Variants in PRKD3 observed in about 807,000 individuals in gnomAD.
The protein encoded by PRKD3 is protein kinase D3.
In PRKD3, 47 loss-of-function variants were observed where a neutral mutation model predicts 99.2. The observed-to-expected ratio is 0.47, with a 90% CI of 0.38 to 0.60. The LOEUF (loss-of-function observed/expected upper bound fraction) is 0.60. PRKD3 is among the 20% of genes least tolerant of loss of function. The probability of loss-of-function intolerance (pLI) is 0.00; values close to 1 mark genes in which losing one functional copy is unlikely to be tolerated. For missense variants in PRKD3, 1,019 were observed against 1,088.4 expected (o/e 0.94, Z 0.90); for synonymous variants, 392 against 355.4 (o/e 1.10, Z -1.16).
In PRKD3 at chr2:37,316,561, C is replaced by A. The variant is rs760788722; in HGVS notation, c.-37G>T. On this transcript the variant is annotated 5_prime_UTR_variant, in exon 2 of 19. Transcript: ENST00000234179. ...TAATCTTTTAAAATAGTTGTCGATT[C>A]TTTTTCAATGGTTATGAAGAGGTTT... 1 of 1,585,978 alleles carries A rather than the reference C, an allele frequency of 6.3e-7. No homozygotes were observed. Among genetic ancestry groups the A allele is most frequent in the South Asian group, 1.2e-5 (1 of 86,208 alleles).
At chr2:37,256,611 T>G in intron 17 of PRKD3, 51 bp downstream of exon 17, 1 of 1,460,338 alleles carries the variant, frequency 6.8e-7, no homozygotes, top group Non-Finnish European at 9.0e-7. Flanking sequence ...TGTTTAGGCT[T>G]AAAACACATA....
chr2:37,291,990 A>T (rs1572675605), intron 3 of PRKD3, among the ~76,000 whole-genome samples: 2 of 152,206 alleles, frequency 1.3e-5, no homozygotes, highest in African/African-American at 4.8e-5. Context: ...AGTGGGAATT[A>T]AAAAACAACG....
intron 6 of PRKD3, among the ~76,000 whole-genome samples, chr2:37,285,478 A>G (rs575918638): frequency 1.3e-5 from 2 of 152,270 alleles, no homozygotes; most frequent in South Asian, 4.1e-4. Flanking sequence ...CAGGGTGATT[A>G]TTCTCGGGAA....
At chr2:37,324,350 A>G (rs1672021689) in intron 1 of PRKD3, 1 of 425,116 alleles carries the variant, frequency 2.4e-6, no homozygotes, top group Admixed American at 6.4e-5. Context: ...GGTGGTCTCC[A>G]GCGGAGCGCG....
intron 17 of PRKD3, among the ~76,000 whole-genome samples, chr2:37,255,011 A>T (rs1281730832): frequency 6.6e-6 from 1 of 152,208 alleles, no homozygotes; most frequent in Non-Finnish European, 1.5e-5. Flanking sequence ...AATATTGGTA[A>T]CAAAAGGCTA....
chr2:37,319,984 G>GT (rs1671811688), intron 1 of PRKD3, among the ~76,000 whole-genome samples: 1 of 152,182 alleles, frequency 6.6e-6, no homozygotes, highest in Non-Finnish European at 1.5e-5. Flanking sequence ...CAAACTATCT[G>GT]TAACAACACC....
At chr2:37,310,451 T>A (rs1671376839) in intron 2 of PRKD3, among the ~76,000 whole-genome samples, 1 of 152,176 alleles carries the variant, frequency 6.6e-6, no homozygotes, top group African/African-American at 2.4e-5. Context: ...ACACAACTAA[T>A]AAGTGGTAGA....
intron 18 of PRKD3, 58 bp from the exon 19 acceptor site, chr2:37,253,408 G>A (rs1350091092): frequency 2.5e-5 from 37 of 1,458,896 alleles, no homozygotes; most frequent in East Asian, 4.7e-5. Context: ...TGTCAACCTG[G>A]TTTTTGTTTT....
At chr2:37,302,864 T>G (rs1460735830) in intron 2 of PRKD3, among the ~76,000 whole-genome samples, 2 of 152,062 alleles carry the variant, frequency 1.3e-5, no homozygotes, top group East Asian at 1.9e-4. Context: ...CAGACAGGGG[T>G]GGGTCCTGGC....
chr2:37,260,800 C>T lies in PRKD3; in HGVS notation c.1885-416G>A, dbSNP rs528220807. On this transcript the variant is annotated intron_variant, in intron 14 of 18. Coordinates refer to ENST00000234179, the MANE Select transcript of PRKD3 (RefSeq NM_005813.6). ...TGGTATTTGCTTAAGAGTTTTATTT[C>T]TAAGGTAGTTATTTATCTAAGTCTT... Among the ~76,000 whole-genome samples, 5 of 152,246 alleles carry T rather than the reference C, an allele frequency of 3.3e-5. No individual in the cohort carries two copies. In the South Asian group the frequency reaches 1.0e-3, roughly 32 times the overall value.
rs549743617 is a variant in PRKD3, at chr2:37,312,212, T to A, written c.288+4025A>T. Among the ~76,000 whole-genome samples the A allele has an allele frequency of 7.2e-5, 11 of 152,050 alleles. 1 individual carries two copies. The South Asian group carries it at 2.3e-3, about 32-fold the overall frequency. On this transcript the variant is annotated intron_variant, in intron 2 of 18. Coordinates refer to ENST00000234179, the MANE Select transcript of PRKD3 (RefSeq NM_005813.6). ...TGGTTAAGATTTTGTTGGGAAAAAA[T>A]AGACACAAACATAGCAATAAAGCCT... is the stretch of plus-strand genomic sequence containing the variant.
chr2:37,253,553 C>T (rs1292878693), intron 18 of PRKD3: 6 of 476,690 alleles, frequency 1.3e-5, no homozygotes, highest in African/African-American at 2.0e-5. Flanking sequence ...AACTCAGAGT[C>T]TCCAATGAAT....
intron 16 of PRKD3, among the ~76,000 whole-genome samples, chr2:37,259,002 T>A (rs1022483296): frequency 1.3e-5 from 2 of 151,868 alleles, no homozygotes; most frequent in Middle Eastern, 6.8e-3. Flanking sequence ...TGGGTTATGA[T>A]CCATTTCATA....
chr2:37,295,658 G>T (rs1239964237), intron 2 of PRKD3, among the ~76,000 whole-genome samples: 1 of 152,128 alleles, frequency 6.6e-6, no homozygotes, highest in African/African-American at 2.4e-5. Flanking sequence ...AGGACAATAG[G>T]AGTTATAGGC....
intron 8 of PRKD3, chr2:37,279,150 C>G (rs551068438): frequency 6.6e-6 from 1 of 151,966 alleles, no homozygotes; most frequent in Non-Finnish European, 1.5e-5. Flanking sequence ...AAAACAAAAC[C>G]TGCCAAAATG....
At chr2:37,267,237 T>G (rs1668906000) in intron 14 of PRKD3, among the ~76,000 whole-genome samples, 193 bp downstream of exon 14, 1 of 152,138 alleles carries the variant, frequency 6.6e-6, no homozygotes, top group African/African-American at 2.4e-5. Context: ...AATTTTACTT[T>G]TTTAAAAAAG....
At chr2:37,306,679 G>A (rs2300884) in intron 2 of PRKD3, among the ~76,000 whole-genome samples, 3 of 151,890 alleles carry the variant, frequency 2.0e-5, no homozygotes, top group African/African-American at 4.8e-5. Context: ...CGTGGTGGCC[G>A]GAGTCTGTGG....
chr2:37,274,844 G>T, intron 10 of PRKD3, 147 bp from the exon 11 acceptor site: 1 of 801,158 alleles, frequency 1.2e-6, no homozygotes, highest in Non-Finnish European at 1.9e-6. Flanking sequence ...TGAGTCTTAT[G>T]ACATGGCCTG....
In PRKD3 at chr2:37,324,076, T is replaced by C. The variant is rs1014411574; in HGVS notation, c.-656+605A>G. The C allele has an allele frequency of 6.8e-6, 4 of 586,784 alleles. No homozygotes were observed. The South Asian group carries it at 3.0e-4, about 44-fold the overall frequency. The allele number at this position is 586,784 out of a possible 1,614,324, so 36.3% of individuals were successfully genotyped here. A position where few individuals can be genotyped will look rare whatever the true frequency, so the allele number is the denominator to read the frequency against. On this transcript the variant is annotated intron_variant, in intron 1 of 18. Transcript: ENST00000234179. Reference sequence around the variant, plus strand: ...AAAGAAACAGTGGCACTCCTCAGTGTTTCAGCTTAAGGAAAACCTCCCAGG... The same window carrying C: ...AAAGAAACAGTGGCACTCCTCAGTGCTTCAGCTTAAGGAAAACCTCCCAGG...
Sources: allele counts gnomAD v4.1 joint callset (sites outside exome capture counted in the v4.1 genomes callset), GRCh38; gene constraint gnomAD v4.1.1; transcripts MANE v1.5; gene names NCBI Gene and HGNC (gene_info 2026-07-23, HGNC 2026-07-21).